TTC1: variants seen among roughly 807,000 people sequenced by gnomAD.
TTC1 encodes the protein tetratricopeptide repeat protein 1.
In TTC1, 31 loss-of-function variants were observed where a neutral mutation model predicts 37.6. That is an observed-to-expected ratio of 0.82 (90% CI 0.62 to 1.11). The LOEUF (loss-of-function observed/expected upper bound fraction) is 1.11, where lower values mean the gene tolerates loss of function less well. TTC1 is among the 50% of genes most tolerant of loss of function. The probability of loss-of-function intolerance (pLI) is 0.00; values close to 1 mark genes in which losing one functional copy is unlikely to be tolerated. For missense variants in TTC1, 351 were observed against 339.0 expected, an observed-to-expected ratio of 1.04 and a Z score of -0.28; for synonymous variants, 127 against 122.4, an observed-to-expected ratio of 1.04 and a Z score of -0.25.
intron 2 of TTC1, among the ~76,000 whole-genome samples, chr5:160,011,111 CTG>C (rs1180647904): frequency 6.6e-6 from 1 of 152,160 alleles, no homozygotes; most frequent in Non-Finnish European, 1.5e-5. Context: ...CTTCAGGAGT[CTG>C]TAATGTAACA....
At chr5:160,043,441 ACGAAAGTTAGG>A (rs1757137292) in intron 5 of TTC1, among the ~76,000 whole-genome samples, 1 of 152,192 alleles carries the variant, frequency 6.6e-6, no homozygotes, top group Admixed American at 6.6e-5. Flanking sequence ...TACCAAAAAT[ACGAAAGTTAGG>A]CATATGTGGT....
intron 5 of TTC1, among the ~76,000 whole-genome samples, chr5:160,043,556 T>TA (rs1757139905): frequency 1.3e-5 from 2 of 152,270 alleles, no homozygotes; most frequent in South Asian, 4.1e-4. Context: ...TTATGCCACT[T>TA]ACTCCAGCCT....
At chr5:160,041,156 A>G (rs538461871) in intron 4 of TTC1, among the ~76,000 whole-genome samples, 1 of 152,226 alleles carries the variant, frequency 6.6e-6, no homozygotes, top group South Asian at 2.1e-4. Flanking sequence ...GAATACTTCC[A>G]TACTTCCGAT....
chr5:160,039,508 G>C (rs909648567), intron 4 of TTC1, among the ~76,000 whole-genome samples: 1 of 149,490 alleles, frequency 6.7e-6, no homozygotes, highest in African/African-American at 2.5e-5. Context: ...GACTACCATT[G>C]TAAGCAGCAG....
chr5:160,034,411 CT>C (rs1346063583), intron 2 of TTC1, among the ~76,000 whole-genome samples: 2 of 152,094 alleles, frequency 1.3e-5, no homozygotes, highest in Non-Finnish European at 2.9e-5. Flanking sequence ...AAAAGACAGA[CT>C]TATTTATTTA....
chr5:160,035,079 A>G, intron 2 of TTC1, 61 bp from the exon 3 acceptor site: 4 of 1,436,774 alleles, frequency 2.8e-6, no homozygotes, highest in Non-Finnish European at 9.4e-7. Flanking sequence ...AGGAAAGCTC[A>G]CCTTTTTGTT....
rs576980654 is a variant in TTC1 at position 160,031,622 on chromosome 5, T to A, written c.331-3518T>A. ...GAGTGAGACTCTGTCTCAAAAAAAA[T>A]AAATAAATAAATAAAAAATAACCTC... On this transcript the variant is annotated intron_variant, in intron 2 of 7. Transcript: ENST00000231238. Among the ~76,000 whole-genome samples, 249 of 151,190 alleles carry A rather than the reference T, an allele frequency of 1.6e-3. 3 individuals carry two copies. The highest frequency in any genetic ancestry group is 5.5e-3 in the African/African-American group (228 of 41,222).
At chr5:160,042,090 C>T (rs924030249) in intron 4 of TTC1, among the ~76,000 whole-genome samples, 5 of 152,032 alleles carry the variant, frequency 3.3e-5, no homozygotes, top group Admixed American at 2.0e-4. Context: ...CCACCACACC[C>T]GGCTAATTTT....
intron 7 of TTC1, among the ~76,000 whole-genome samples, chr5:160,052,795 T>A (rs1240501681): frequency 6.6e-6 from 1 of 152,152 alleles, no homozygotes; most frequent in Non-Finnish European, 1.5e-5. Flanking sequence ...GAATTTTCTG[T>A]CTCCAAGGCT....
intron 2 of TTC1, among the ~76,000 whole-genome samples, chr5:160,021,889 A>C (rs1448901871): frequency 1.3e-5 from 2 of 152,180 alleles, no homozygotes; most frequent in Non-Finnish European, 1.5e-5. Flanking sequence ...CAGTTGAGCA[A>C]GTATGTACCT....
intron 2 of TTC1, among the ~76,000 whole-genome samples, chr5:160,029,063 T>C (rs1756861140): frequency 6.6e-6 from 1 of 152,178 alleles, no homozygotes; most frequent in Non-Finnish European, 1.5e-5. Flanking sequence ...TTGGTAATGA[T>C]ATTTGTATAG....
At chr5:160,024,162 C>T (rs1011953117) in intron 2 of TTC1, 2 of 571,202 alleles carry the variant, frequency 3.5e-6, no homozygotes, top group African/African-American at 1.9e-5. Context: ...TGTTGAAAAA[C>T]TCTCATTACT....
intron 7 of TTC1, among the ~76,000 whole-genome samples, chr5:160,055,004 T>A (rs1308948159): frequency 6.6e-6 from 1 of 152,206 alleles, no homozygotes; most frequent in Non-Finnish European, 1.5e-5. Context: ...TGTGGCTGTG[T>A]CACCTTATGG....
chr5:160,031,571 G>C (rs1256392032), intron 2 of TTC1, among the ~76,000 whole-genome samples: 1 of 152,074 alleles, frequency 6.6e-6, no homozygotes, highest in Non-Finnish European at 1.5e-5. Context: ...CCAAGATCAT[G>C]CCACTGCACT....
At chr5:160,063,787 C>T (rs1215798394) in intron 7 of TTC1, 2 of 152,002 alleles carry the variant, frequency 1.3e-5, no homozygotes, top group Non-Finnish European at 1.5e-5. Flanking sequence ...CTTAAAACAG[C>T]ATAAGAACTG....
At chr5:160,050,122 A>G (rs571096282) in intron 6 of TTC1, among the ~76,000 whole-genome samples, 8 of 152,110 alleles carry the variant, frequency 5.3e-5, no homozygotes, top group Non-Finnish European at 8.8e-5. Context: ...GCATTCCATC[A>G]TGGGCAACAG....
At chr5:160,027,752 T>C (rs1756831717) in intron 2 of TTC1, among the ~76,000 whole-genome samples, 1 of 152,208 alleles carries the variant, frequency 6.6e-6, no homozygotes, top group African/African-American at 2.4e-5. Context: ...TTGTTGAAAA[T>C]TTTTCTCATT....
intron 2 of TTC1, among the ~76,000 whole-genome samples, chr5:160,018,749 T>TGGAGGGGTATGAGGATGGA (rs1175211400): frequency 2.0e-5 from 3 of 152,118 alleles, no homozygotes; most frequent in Admixed American, 6.5e-5. Context: ...ATACAGAGAA[T>TGGAGGGGTATGAGGATGGA]GGAGGGGTAT....
chr5:160,022,908 A>G (rs1265720678), intron 2 of TTC1, among the ~76,000 whole-genome samples: 1 of 152,176 alleles, frequency 6.6e-6, no homozygotes, highest in African/African-American at 2.4e-5. Flanking sequence ...GATTCGGGGT[A>G]ATTCTAGAAA....
Sources: allele counts gnomAD v4.1 joint callset (sites outside exome capture counted in the v4.1 genomes callset), GRCh38; gene constraint gnomAD v4.1.1; transcripts MANE v1.5; gene names NCBI Gene and HGNC (gene_info 2026-07-23, HGNC 2026-07-21).